Variants in ZMYND15 observed in about 807,000 individuals in gnomAD.
ZMYND15 encodes the protein zinc finger MYND-type containing 15, also known as zinc finger MYND domain-containing protein 15.
A neutral mutation model predicts 81.7 loss-of-function variants in ZMYND15; 54 were observed. That is an observed-to-expected ratio of 0.66 (90% CI 0.53 to 0.83). ZMYND15 has a LOEUF of 0.83. Ranked by LOEUF, ZMYND15 falls within the 40% of genes least tolerant of loss-of-function variation. The pLI is 0.00. For missense variants in ZMYND15, 925 were observed against 973.5 expected (o/e 0.95, Z 0.66); for synonymous variants, 399 against 387.0 (o/e 1.03, Z -0.36).
Position 4,740,846 on chromosome 17 carries a change from C to T in ZMYND15, c.298C>T (p.Leu100=). 6.3e-7 allele frequency: 1 copy of T among 1,578,032 alleles called. No homozygotes were observed. ...GDNPPLHLRD[L]SPYISFVSLE... ...CAACCCTCCACTCCACCTGCGAGAC[C>T]TGAGCCCCTACATCAGCTTTGTCAG... The change falls in exon 2 of 14, where the codon CTG becomes TTG. Residue 100 remains leucine, a synonymous_variant. Transcript: ENST00000433935.
At chr17:4,740,399 A>G (rs1916338909) in intron 1 of ZMYND15, 120 bp from the exon 2 acceptor site, 2 of 1,360,058 alleles carry the variant, frequency 1.5e-6, no homozygotes, top group Middle Eastern at 2.3e-4. Context: ...CGCTCCTAGC[A>G]TATCCACGGA....
In ZMYND15 at chr17:4,744,671, G is replaced by A. The variant is rs138988876; in HGVS notation, c.1730G>A (p.Arg577Gln). Reference protein sequence around the residue: ...SVRPGSGISARPSSGTKEKGG... With the variant: ...SVRPGSGISAQPSSGTKEKGG... ...CGGCCTGGTTCCGGCATATCAGCAC[G>A]GCCCAGCTCTGGCACTAAGGAGAAA... Residue 577 changes from arginine to glutamine, a missense_variant, in exon 11 of 14, where the codon CGG becomes CAG. Transcript: ENST00000433935. This position sits in a 1 kb window ranked among gnomAD's most constrained non-coding sequence, Gnocchi z 4.1. 2.1e-4 allele frequency: 346 copies of A among 1,613,554 alleles called. No homozygotes were observed. Among genetic ancestry groups the A allele is most frequent in the Non-Finnish European group, 2.8e-4 (330 of 1,180,002 alleles).
Position 4,745,882 on chromosome 17 carries a change from G to A in ZMYND15, c.2121G>A (p.Pro707=), listed in dbSNP as rs757188730. ...CTGCTCAAGGGAGCGGGGCCCGCCCGGCGCCCGGGCCCCCACCCCCATCCC... is the reference window on the plus strand; with the variant it reads ...CTGCTCAAGGGAGCGGGGCCCGCCCAGCGCCCGGGCCCCCACCCCCATCCC... The part of the protein sequence containing the change: ...YKPAQGSGAR[P]APGPPPPSPT... The change falls in exon 14 of 14, where the codon CCG becomes CCA. Residue 707 remains proline, a synonymous_variant. Transcript: ENST00000433935. The surrounding 1 kb of genome is among the most constrained non-coding windows in gnomAD (Gnocchi z 5.2). 1.3e-5 allele frequency: 21 copies of A among 1,569,288 alleles called. No individual in the cohort carries two copies. The highest frequency in any genetic ancestry group is 1.7e-4 in the Middle Eastern group (1 of 5,972).
In ZMYND15 at chr17:4,741,587, GC is replaced by G. The variant is rs1052556839; in HGVS notation, c.604del (p.Leu202CysfsTer9). The G allele has an allele frequency of 6.2e-7, 1 of 1,613,890 alleles. No individual in the cohort carries two copies. The highest frequency in any genetic ancestry group is 8.5e-7 in the Non-Finnish European group (1 of 1,179,874). ...ACTTTTCCCTCTTTCCCCAGAGGCT[GC>G]CCCCCTGCACGTTTCCTGTCTCTTA... ...QKRKGQRSEA[A>X]PLHVSCLLLV... On this transcript the variant is annotated frameshift_variant, in exon 3 of 14. Coordinates refer to ENST00000433935, the MANE Select transcript of ZMYND15 (RefSeq NM_001136046.3). LOFTEE classifies it high-confidence loss of function.
chr17:4,739,949 C>T lies in ZMYND15; in HGVS notation c.-132C>T. 17 of 985,276 alleles carry T rather than the reference C, an allele frequency of 1.7e-5. No individual in the cohort carries two copies. Among genetic ancestry groups the T allele is most frequent in the Non-Finnish European group, 2.0e-5 (17 of 829,934 alleles). 61.0% of individuals were successfully genotyped at this position (985,276 alleles called of 1,614,324 possible). A position where few individuals can be genotyped will look rare whatever the true frequency, so the allele number is the denominator to read the frequency against. ...GCACCGAGCCCGGGGGGCGTGGCCG[C>T]CCGCTGAGCCGGCGAGGGCTCGGGC... On this transcript the variant is annotated 5_prime_UTR_variant, in exon 1 of 14. Coordinates refer to ENST00000433935, the MANE Select transcript of ZMYND15 (RefSeq NM_001136046.3). This position sits in a 1 kb window ranked among gnomAD's most constrained non-coding sequence, Gnocchi z 5.3.
Position 4,744,615 on chromosome 17 carries a change from G to C in ZMYND15, c.1684-10G>C. The C allele has an allele frequency of 6.2e-7, 1 of 1,607,496 alleles. No homozygotes were observed. Among genetic ancestry groups the C allele is most frequent in the Non-Finnish European group, 8.5e-7 (1 of 1,177,286 alleles). On this transcript the variant is annotated splice_polypyrimidine_tract_variant and intron_variant, in intron 10 of 13. Transcript: ENST00000433935. The surrounding 1 kb of genome is among the most constrained non-coding windows in gnomAD (Gnocchi z 4.1). Reference sequence around the variant, plus strand: ...AGTGGCTTTTCCACCCCACTCCTGGGGCCCCTCAGGACAGCCTGGAGGTGT... The same window carrying C: ...AGTGGCTTTTCCACCCCACTCCTGGCGCCCCTCAGGACAGCCTGGAGGTGT...
rs771364872 is a variant in ZMYND15 at position 4,744,637 on chromosome 17, G to C, written c.1696G>C (p.Val566Leu). The change falls in exon 11 of 14, where the codon GTG becomes CTG. Residue 566 changes from valine to leucine, a missense_variant. Transcript: ENST00000433935. This position sits in a 1 kb window ranked among gnomAD's most constrained non-coding sequence, Gnocchi z 4.1. The stretch of plus-strand genomic sequence containing the variant: ...TGGGGCCCCTCAGGACAGCCTGGAG[G>C]TGTCTGTCCGGCCTGGTTCCGGCAT... ...HFTLQRDSLE[V>L]SVRPGSGISA... 6.8e-6 allele frequency: 11 copies of C among 1,612,664 alleles called. No individual in the cohort carries two copies. Among genetic ancestry groups the C allele is most frequent in the Non-Finnish European group, 9.3e-6 (11 of 1,179,896 alleles).
At position 4,741,700 on chromosome 17, in the gene ZMYND15, C is replaced by A. The variant is rs764299414; in HGVS notation, c.711C>A (p.Thr237=). Residue 237 remains threonine, a synonymous_variant, in exon 3 of 14, where the codon ACC becomes ACA. Transcript: ENST00000433935. ...AQGTASWGSG[T]KDLAPWAYAL... The stretch of plus-strand genomic sequence containing the variant: ...GAACCGCAAGCTGGGGCTCAGGGAC[C>A]AAGGACCTGGCTCCTTGGGCCTATG... 6.2e-7 allele frequency: 1 copy of A among 1,614,054 alleles called. No individual in the cohort carries two copies. Among genetic ancestry groups the A allele is most frequent in the South Asian group, 1.1e-5 (1 of 91,064 alleles).
chr17:4,745,847 G>C lies in ZMYND15; in HGVS notation c.2086G>C (p.Val696Leu), dbSNP rs1231280473. Residue 696 changes from valine (V) to leucine (L), a missense_variant, in exon 14 of 14, where the codon GTT becomes CTT. Coordinates refer to ENST00000433935, the MANE Select transcript of ZMYND15 (RefSeq NM_001136046.3). The surrounding 1 kb of genome is among the most constrained non-coding windows in gnomAD (Gnocchi z 5.2). Reference sequence around the variant, plus strand: ...CTGCAATGCCTTCATCTTCCACCTGGTTTACAAGCCTGCTCAAGGGAGCGG... The same window carrying C: ...CTGCAATGCCTTCATCTTCCACCTGCTTTACAAGCCTGCTCAAGGGAGCGG... ...WYCNAFIFHL[V>L]YKPAQGSGAR... 6.2e-7 allele frequency: 1 copy of C among 1,600,592 alleles called. No homozygotes were observed.
Position 4,745,489 on chromosome 17 carries a change from C to T in ZMYND15, c.2057+114C>T. On this transcript the variant is annotated intron_variant, in intron 13 of 13. Transcript: ENST00000433935. This position sits in a 1 kb window ranked among gnomAD's most constrained non-coding sequence, Gnocchi z 5.2. ...TCCCTGCTGTCCTGGGGCCCTCCTG[C>T]CCCCAGCCCAGCAACCTGCCTTCTC... 7.5e-7 allele frequency: 1 copy of T among 1,327,378 alleles called. No individual in the cohort carries two copies. Among genetic ancestry groups the T allele is most frequent in the African/African-American group, 1.5e-5 (1 of 67,620 alleles). The allele number at this position is 1,327,378 out of a possible 1,614,324, so 82.2% of individuals were successfully genotyped here.
chr17:4,740,006 C>G lies in ZMYND15; in HGVS notation c.-75C>G, dbSNP rs1330388612. 1.0e-6 allele frequency: 1 copy of G among 985,300 alleles called. No homozygotes were observed. 61.0% of individuals were successfully genotyped at this position (985,300 alleles called of 1,614,324 possible). A position where few individuals can be genotyped will look rare whatever the true frequency, so the allele number is the denominator to read the frequency against. On this transcript the variant is annotated 5_prime_UTR_variant, in exon 1 of 14. Coordinates refer to ENST00000433935, the MANE Select transcript of ZMYND15 (RefSeq NM_001136046.3). ...GACGTCACAACCGCACCCGCGCACC[C>G]TCCACCGCGAGGTATTTACCTTCGA... is the stretch of plus-strand genomic sequence containing the variant.
rs1916472858 is a variant in ZMYND15 at position 4,742,490 on chromosome 17, AG to A, written c.1144+1del. On this transcript the variant is annotated frameshift_variant and splice_region_variant, in exon 5 of 14. Coordinates refer to ENST00000433935, the MANE Select transcript of ZMYND15 (RefSeq NM_001136046.3). LOFTEE classifies it high-confidence loss of function. ...CAACCCTGCCTTTTACCTACACCGCAGGTACCATAAGGAGGTCAGAATGGTT... is the reference window on the plus strand; with the variant it reads ...CAACCCTGCCTTTTACCTACACCGCAGTACCATAAGGAGGTCAGAATGGTT... ...LATLPFTYTA[E>X]VTSETFNKEA... is the part of the protein sequence containing the mutation. 1 of 1,613,412 alleles carries A rather than the reference AG, an allele frequency of 6.2e-7. No individual in the cohort carries two copies. Among genetic ancestry groups the A allele is most frequent in the Admixed American group, 1.7e-5 (1 of 59,960 alleles).
chr17:4,740,180 C>G (rs1916322523), intron 1 of ZMYND15, 130 bp downstream of exon 1: 1 of 703,244 alleles, frequency 1.4e-6, no homozygotes, highest in East Asian at 1.2e-4. Flanking sequence ...GCTTCCCTCC[C>G]CACCAAACCG....
At position 4,743,482 on chromosome 17, in the gene ZMYND15, C is replaced by A; in HGVS notation, c.1297+27C>A. The A allele has an allele frequency of 6.2e-7, 1 of 1,612,362 alleles. No homozygotes were observed. Among genetic ancestry groups the A allele is most frequent in the Non-Finnish European group, 8.5e-7 (1 of 1,179,530 alleles). On this transcript the variant is annotated intron_variant, in intron 6 of 13. Transcript: ENST00000433935. This position sits in a 1 kb window ranked among gnomAD's most constrained non-coding sequence, Gnocchi z 4.3. ...TGCGTGGGGTCTCTCCAGGCATGGGCCCCTTGGCCTAGAGGGAAGGACTGG... is the reference window on the plus strand; with the variant it reads ...TGCGTGGGGTCTCTCCAGGCATGGGACCCTTGGCCTAGAGGGAAGGACTGG...
In ZMYND15 at chr17:4,744,703, C is replaced by A; in HGVS notation, c.1762C>A (p.Arg588Ser). The change falls in exon 11 of 14, where the codon CGC becomes AGC. Residue 588 changes from arginine (R) to serine (S), a missense_variant. Physicochemically the swap from Arg to Ser is moderately radical, Grantham distance 110. Transcript: ENST00000433935. This position sits in a 1 kb window ranked among gnomAD's most constrained non-coding sequence, Gnocchi z 4.1. ...CTCTGGCACTAAGGAGAAAGGGGGC[C>A]GCAGGGACCTGCAGATCAAGGTGTC... is the stretch of plus-strand genomic sequence containing the variant. ...PSSGTKEKGG[R>S]RDLQIKVSAR... 6.2e-7 allele frequency: 1 copy of A among 1,614,056 alleles called. No homozygotes were observed. Among genetic ancestry groups the A allele is most frequent in the Non-Finnish European group, 8.5e-7 (1 of 1,180,010 alleles).
At position 4,742,422 on chromosome 17, in the gene ZMYND15, T is replaced by G. The variant is rs1018227101; in HGVS notation, c.1075T>G (p.Cys359Gly). The stretch of plus-strand genomic sequence containing the variant: ...AGATGATGTGAGTCACCGATTTTGG[T>G]GCCCAAGGCTTGCAGCCTTCATGGA... ...CPDDVSHRFW[C>G]PRLAAFMERA... The change falls in exon 5 of 14, where the codon TGC becomes GGC. Residue 359 changes from cysteine to glycine, a missense_variant. Transcript: ENST00000433935. The G allele has an allele frequency of 6.2e-7, 1 of 1,614,182 alleles. No homozygotes were observed. The highest frequency in any genetic ancestry group is 8.5e-7 in the Non-Finnish European group (1 of 1,180,030).
chr17:4,741,720 C>T lies in ZMYND15; in HGVS notation c.731C>T (p.Ala244Val), dbSNP rs751435241. The T allele has an allele frequency of 5.6e-6, 9 of 1,612,822 alleles. No individual in the cohort carries two copies. The highest frequency in any genetic ancestry group is 7.6e-6 in the Non-Finnish European group (9 of 1,179,326). Residue 244 changes from alanine to valine, a missense_variant, in exon 3 of 14, where the codon GCC (alanine) becomes GTC (valine). Physicochemically the swap from Ala to Val is moderately conservative, Grantham distance 64. Transcript: ENST00000433935. ...GGGACCAAGGACCTGGCTCCTTGGG[C>T]CTATGCTCTCCTCTGTCACAGCATG... ...GSGTKDLAPW[A>V]YALLCHSMAC...
At position 4,743,176 on chromosome 17, in the gene ZMYND15, C is replaced by A; in HGVS notation, c.1145-127C>A. ...ATCGTTTGAGTCCAAGAGGTCGAGGCTGTAGTGTCCCGTGATCACGCCACT... is the reference window on the plus strand; with the variant it reads ...ATCGTTTGAGTCCAAGAGGTCGAGGATGTAGTGTCCCGTGATCACGCCACT... On this transcript the variant is annotated intron_variant, in intron 5 of 13. Coordinates refer to ENST00000433935, the MANE Select transcript of ZMYND15 (RefSeq NM_001136046.3). This position sits in a 1 kb window ranked among gnomAD's most constrained non-coding sequence, Gnocchi z 4.3. The A allele has an allele frequency of 9.0e-7, 1 of 1,114,256 alleles. No individual in the cohort carries two copies. The highest frequency in any genetic ancestry group is 1.3e-6 in the Non-Finnish European group (1 of 780,994). The allele number at this position is 1,114,256 out of a possible 1,614,324, so 69.0% of individuals were successfully genotyped here. A position where few individuals can be genotyped will look rare whatever the true frequency, so the allele number is the denominator to read the frequency against.
At position 4,745,072 on chromosome 17, in the gene ZMYND15, C is replaced by G; in HGVS notation, c.1897-143C>G. 1 of 1,542,690 alleles carries G rather than the reference C, an allele frequency of 6.5e-7. No individual in the cohort carries two copies. The highest frequency in any genetic ancestry group is 2.1e-4 in the Middle Eastern group (1 of 4,726). ...GGAGTGCCCACGGGTCCCCCTGCCT[C>G]TCTCTGTGTCTGTCTCCGTCCTCCC... On this transcript the variant is annotated intron_variant, in intron 12 of 13. Transcript: ENST00000433935. The surrounding 1 kb of genome is among the most constrained non-coding windows in gnomAD (Gnocchi z 5.2).
Sources: allele counts gnomAD v4.1 joint callset, GRCh38; gene constraint gnomAD v4.1.1; non-coding constraint Gnocchi (gnomAD v3.1); transcripts MANE v1.5; gene names NCBI Gene and HGNC (gene_info 2026-07-23, HGNC 2026-07-21).